Variants in TENM4 observed in about 807,000 individuals in gnomAD.
TENM4 encodes teneurin transmembrane protein 4, also known as teneurin-4.
A neutral mutation model predicts 243.3 loss-of-function variants in TENM4; 82 were observed. The ratio of observed to expected loss-of-function variants is 0.34; its 90% CI spans 0.28 to 0.40. TENM4 has a LOEUF of 0.40. Ranked by LOEUF, TENM4 falls within the 10% of genes least tolerant of loss-of-function variation. The pLI is 1.00. For missense variants in TENM4, 3,138 were observed against 3,673.3 expected, an observed-to-expected ratio of 0.85 and a Z score of 3.77; for synonymous variants, 1,412 against 1,456.3, an observed-to-expected ratio of 0.97 and a Z score of 0.69.
Position 79,254,988 on chromosome 11 carries a change from T to C in TENM4, c.-264-39079A>G, listed in dbSNP as rs569918986. On this transcript the variant is annotated intron_variant, in intron 2 of 33. Coordinates refer to ENST00000278550, the MANE Select transcript of TENM4 (RefSeq NM_001098816.3). ...GACAAAGGAAAAGTCTTCCCAGTTC[T>C]GGAAGGGCGTCATATGCCTTGCAGA... 4.6e-5 allele frequency among the ~76,000 whole-genome samples: 7 copies of C among 152,258 alleles called. No individual in the cohort carries two copies. The East Asian group carries it at 1.2e-3, about 25-fold the overall frequency.
At chr11:78,859,139 T>A (rs1051110228) in intron 10 of TENM4, among the ~76,000 whole-genome samples, 1 of 152,196 alleles carries the variant, frequency 6.6e-6, no homozygotes, top group African/African-American at 2.4e-5. Flanking sequence ...CCCAGCAGGC[T>A]AAATATCAGA....
intron 1 of TENM4, among the ~76,000 whole-genome samples, chr11:79,345,292 G>C (rs549306174): frequency 6.6e-6 from 1 of 152,164 alleles, no homozygotes; most frequent in Non-Finnish European, 1.5e-5. Flanking sequence ...CATTGTTCTT[G>C]GGTTTTCCTA....
intron 15 of TENM4, among the ~76,000 whole-genome samples, chr11:78,792,498 A>C (rs1857077480): frequency 1.3e-5 from 2 of 152,010 alleles, no homozygotes; most frequent in Non-Finnish European, 2.9e-5. Context: ...TCCCCTACAG[A>C]AAGTCAAACC....
intron 1 of TENM4, among the ~76,000 whole-genome samples, chr11:79,336,430 G>A (rs1857149001): frequency 1.3e-5 from 2 of 152,162 alleles, no homozygotes; most frequent in East Asian, 1.9e-4. Flanking sequence ...GGTATTAGAT[G>A]AGAGAGGAAA....
rs185378076 is a variant in TENM4 at position 78,879,398 on chromosome 11, G to C, written c.1084+10387C>G. Among the ~76,000 whole-genome samples the C allele has an allele frequency of 5.7e-3, 854 of 150,106 alleles. 3 individuals are homozygous for C. The highest frequency in any genetic ancestry group is 0.02 in the African/African-American group (810 of 39,850). Reference sequence around the variant, plus strand: ...CCTCTGCCTGGCAGCCGCCCTGTCTGGGAGGTGGGGAGTGCCTCTGCCCGG... The same window carrying C: ...CCTCTGCCTGGCAGCCGCCCTGTCTCGGAGGTGGGGAGTGCCTCTGCCCGG... On this transcript the variant is annotated intron_variant, in intron 9 of 33. Coordinates refer to ENST00000278550, the MANE Select transcript of TENM4 (RefSeq NM_001098816.3).
At chr11:79,299,442 G>A (rs2135395945) in intron 1 of TENM4, among the ~76,000 whole-genome samples, 1 of 152,256 alleles carries the variant, frequency 6.6e-6, no homozygotes, top group South Asian at 2.1e-4. Context: ...ATGCAATTCT[G>A]TGCCATCTGG....
At chr11:79,399,544 C>G (rs1446964155) in intron 1 of TENM4, among the ~76,000 whole-genome samples, 1 of 152,110 alleles carries the variant, frequency 6.6e-6, no homozygotes, top group Non-Finnish European at 1.5e-5. Context: ...GCGATCTTGT[C>G]CAAGATGCTA....
At chr11:79,259,463 A>G (rs185939545) in intron 2 of TENM4, among the ~76,000 whole-genome samples, 1 of 152,166 alleles carries the variant, frequency 6.6e-6, no homozygotes, top group Admixed American at 6.5e-5. Flanking sequence ...ATCTATCTTC[A>G]TCTACCCAGC....
At chr11:79,225,473 C>T (rs1277696533) in intron 2 of TENM4, among the ~76,000 whole-genome samples, 1 of 152,108 alleles carries the variant, frequency 6.6e-6, no homozygotes, top group Admixed American at 6.6e-5. Context: ...AGTGTGGTGC[C>T]ATGATCTTAG....
At chr11:78,704,141 A>G (rs1859180816) in intron 27 of TENM4, among the ~76,000 whole-genome samples, 2 of 124,104 alleles carry the variant, frequency 1.6e-5, no homozygotes, top group African/African-American at 3.3e-5. Flanking sequence ...GTGTATGTCT[A>G]TGTGTATGTA....
intron 2 of TENM4, among the ~76,000 whole-genome samples, chr11:79,238,325 T>C (rs189974508): frequency 2.7e-4 from 41 of 152,266 alleles, no homozygotes; most frequent in African/African-American, 9.9e-4. Flanking sequence ...GTTGTGTCTG[T>C]GAGGGTGTTT....
In TENM4 at chr11:79,201,786, G is replaced by T. The variant is rs146475881; in HGVS notation, c.-163+14022C>A. On this transcript the variant is annotated intron_variant, in intron 3 of 33. Coordinates refer to ENST00000278550, the MANE Select transcript of TENM4 (RefSeq NM_001098816.3). ...TTAGGGTGAAGGGAAACCACTGTAG[G>T]GTTTTCAGGTAAAGTGACCCAATCT... is the stretch of plus-strand genomic sequence containing the variant. Among the ~76,000 whole-genome samples the T allele has an allele frequency of 4.4e-3, 673 of 152,276 alleles. 9 individuals are homozygous for T. The highest frequency in any genetic ancestry group is 0.016 in the African/African-American group (644 of 41,544).
chr11:79,215,471 C>T (rs1203310856), intron 3 of TENM4, among the ~76,000 whole-genome samples: 4 of 152,122 alleles, frequency 2.6e-5, no homozygotes, highest in Admixed American at 2.0e-4. Flanking sequence ...ATTGGCATTG[C>T]TGCCTCTCTG....
intron 15 of TENM4, among the ~76,000 whole-genome samples, chr11:78,791,393 T>A (rs1857052454): frequency 1.3e-5 from 2 of 152,256 alleles, no homozygotes; most frequent in Non-Finnish European, 2.9e-5. Context: ...ACAGCTCATA[T>A]GTCTTTTACA....
At chr11:78,775,946 T>G (rs1856731814) in intron 17 of TENM4, among the ~76,000 whole-genome samples, 1 of 152,210 alleles carries the variant, frequency 6.6e-6, no homozygotes, top group Admixed American at 6.5e-5. Flanking sequence ...TCAGAATCCT[T>G]GAAGGTATTT....
intron 12 of TENM4, among the ~76,000 whole-genome samples, chr11:78,828,566 T>C (rs144319555): frequency 3.6e-4 from 55 of 152,378 alleles, no homozygotes; most frequent in African/African-American, 1.3e-3. Context: ...CTTATTTATC[T>C]ACTAGGTAAC....
At chr11:79,025,317 A>AG (rs772990601) in intron 6 of TENM4, among the ~76,000 whole-genome samples, 50 of 152,332 alleles carry the variant, frequency 3.3e-4, no homozygotes, top group Admixed American at 3.3e-4. Context: ...GTCTGCCAGA[A>AG]GGGGACATCT....
chr11:79,009,976 C>T (rs1474412977), intron 6 of TENM4, among the ~76,000 whole-genome samples: 3 of 152,062 alleles, frequency 2.0e-5, no homozygotes, highest in African/African-American at 7.2e-5. Flanking sequence ...TGAGATCTGA[C>T]AGTTTTATAT....
chr11:78,755,940 C>G (rs140916711), intron 19 of TENM4, among the ~76,000 whole-genome samples: 568 of 152,232 alleles, frequency 3.7e-3, no homozygotes, highest in Non-Finnish European at 6.1e-3. Flanking sequence ...GGCACCACTA[C>G]GTTGGAAGAC....
Sources: gnomAD v4.1 joint callset for allele counts (sites outside exome capture counted in the v4.1 genomes callset) on GRCh38, gnomAD v4.1.1 for gene constraint, MANE v1.5 for transcripts, NCBI Gene and HGNC (gene_info 2026-07-23, HGNC 2026-07-21) for gene names.